The following CLVS1 variants were observed in gnomAD, a reference collection of about 807,000 sequenced individuals.
CLVS1 encodes the protein clavesin-1.
Under a neutral mutation model 33.1 loss-of-function variants are expected in CLVS1, and 10 were observed. That is an observed-to-expected ratio of 0.30 (90% CI 0.19 to 0.51). CLVS1 has a LOEUF of 0.51. CLVS1 is among the 20% of genes least tolerant of loss of function. CLVS1 has a pLI of 0.97. For synonymous variants in CLVS1, 163 were observed against 166.1 expected, an observed-to-expected ratio of 0.98 and a Z score of 0.14; for missense variants, 343 against 433.4, an observed-to-expected ratio of 0.79 and a Z score of 1.85.
At chr8:61,345,078 A>T (rs2129598486) in intron 2 of CLVS1, among the ~76,000 whole-genome samples, 1 of 152,254 alleles carries the variant, frequency 6.6e-6, no homozygotes, top group African/African-American at 2.4e-5. Context: ...AATTTTCTAA[A>T]CTATCTTTAT....
chr8:61,244,981 G>A (rs1808776494), intron 2 of CLVS1, among the ~76,000 whole-genome samples: 1 of 152,024 alleles, frequency 6.6e-6, no homozygotes, highest in African/African-American at 2.4e-5. Flanking sequence ...TTTAGGTTAT[G>A]TAATTACATG....
intron 1 of CLVS1, among the ~76,000 whole-genome samples, chr8:61,124,061 T>TA (rs1021769923): frequency 6.2e-4 from 95 of 152,058 alleles, no homozygotes; most frequent in Non-Finnish European, 5.9e-4. Flanking sequence ...TTATCTATCT[T>TA]AAAAAAAAGA....
chr8:61,252,301 T>C (rs1272689907), intron 2 of CLVS1, among the ~76,000 whole-genome samples: 1 of 152,204 alleles, frequency 6.6e-6, no homozygotes, highest in African/African-American at 2.4e-5. Context: ...ATGATTTCCA[T>C]TCTTTTGTAT....
intron 2 of CLVS1, among the ~76,000 whole-genome samples, chr8:61,217,115 C>G (rs778919037): frequency 6.6e-6 from 1 of 152,074 alleles, no homozygotes; most frequent in Non-Finnish European, 1.5e-5. Context: ...CTTTCTGAGA[C>G]TTTTTCATGA....
intron 1 of CLVS1, among the ~76,000 whole-genome samples, chr8:61,073,079 G>C (rs1308879842): frequency 6.6e-6 from 1 of 151,888 alleles, no homozygotes; most frequent in Non-Finnish European, 1.5e-5. Context: ...TATAGTGTTG[G>C]GTTTCAATTC....
At chr8:61,411,489 G>C (rs534809846) in intron 3 of CLVS1, among the ~76,000 whole-genome samples, 41 of 152,142 alleles carry the variant, frequency 2.7e-4, no homozygotes, top group Non-Finnish European at 5.7e-4. Context: ...GAGAGAGAAG[G>C]GGGATAAGAT....
At position 61,501,139 on chromosome 8, in the gene CLVS1, T is replaced by TAACA. The variant is rs553492483; in HGVS notation, c.*1598_*1601dup. 1.5e-4 allele frequency: 23 copies of TAACA among 152,232 alleles called. No homozygotes were observed. Among genetic ancestry groups the TAACA allele is most frequent in the African/African-American group, 5.3e-4 (22 of 41,558 alleles). The allele number at this position is 152,232 out of a possible 1,614,324, so 9.4% of individuals were successfully genotyped here. A position where few individuals can be genotyped will look rare whatever the true frequency, so the allele number is the denominator to read the frequency against. ...TAGACATACGAAATCACAAAAATAA[T>TAACA]AACACTGAAATAATTCTACCAATGC... On this transcript the variant is annotated 3_prime_UTR_variant, in exon 6 of 6. Transcript: ENST00000325897.
At chr8:61,420,090 A>G (rs1161558662) in intron 3 of CLVS1, among the ~76,000 whole-genome samples, 2 of 152,174 alleles carry the variant, frequency 1.3e-5, no homozygotes, top group Non-Finnish European at 2.9e-5. Flanking sequence ...CATACTCAAC[A>G]TAGGAATTCC....
At chr8:61,137,116 C>A (rs1806203889) in intron 2 of CLVS1, among the ~76,000 whole-genome samples, 4 of 152,204 alleles carry the variant, frequency 2.6e-5, no homozygotes, top group Admixed American at 2.6e-4. Context: ...GGGCTAAGAG[C>A]TATGCAGCGT....
At chr8:61,103,970 G>C (rs1394062482) in intron 1 of CLVS1, among the ~76,000 whole-genome samples, 1 of 152,106 alleles carries the variant, frequency 6.6e-6, no homozygotes, top group African/African-American at 2.4e-5. Context: ...TTGGCTTTTT[G>C]GTATTCAGGG....
intron 2 of CLVS1, among the ~76,000 whole-genome samples, chr8:61,167,716 G>A (rs899666087): frequency 2.6e-5 from 4 of 152,094 alleles, no homozygotes; most frequent in Admixed American, 6.5e-5. Flanking sequence ...GCAAAAAGTC[G>A]CAGGTTATAA....
At chr8:61,216,816 A>G (rs998340631) in intron 2 of CLVS1, among the ~76,000 whole-genome samples, 1 of 152,174 alleles carries the variant, frequency 6.6e-6, no homozygotes, top group Non-Finnish European at 1.5e-5. Flanking sequence ...GTTTCTGACC[A>G]TGTGAAATTT....
intron 1 of CLVS1, among the ~76,000 whole-genome samples, chr8:61,097,387 G>A (rs1805372850): frequency 6.6e-6 from 1 of 151,914 alleles, no homozygotes; most frequent in Non-Finnish European, 1.5e-5. Flanking sequence ...GAGAAGTATG[G>A]TGAGTGAGCA....
intron 3 of CLVS1, among the ~76,000 whole-genome samples, chr8:61,392,828 G>A (rs1220412293): frequency 6.8e-6 from 1 of 146,190 alleles, no homozygotes; most frequent in Non-Finnish European, 1.5e-5. Flanking sequence ...GGGTGACAGA[G>A]CAAGACTCTG....
intron 1 of CLVS1, chr8:61,292,033 C>A (rs939873713): frequency 8.5e-6 from 2 of 234,428 alleles, no homozygotes; most frequent in African/African-American, 4.5e-5. Flanking sequence ...TGAGTCCTGA[C>A]ATGCTGTGTC....
chr8:61,148,107 T>G lies in CLVS1; in HGVS notation c.-152+16247T>G, dbSNP rs144765556. On this transcript the variant is annotated intron_variant, in intron 2 of 2. Coordinates refer to the CLVS1 transcript ENST00000522621. ...AATTCAGCATTGGTTCTTAAGGATG[T>G]CCTGTCACACTGACAACCTTTCTTT... Among the ~76,000 whole-genome samples the G allele has an allele frequency of 4.1e-3, 627 of 152,376 alleles. 3 individuals carry two copies. The highest frequency in any genetic ancestry group is 0.027 in the Middle Eastern group (8 of 294).
At chr8:60,996,582 C>T in the CLVS1 span, among the ~76,000 whole-genome samples, 6 of 152,196 alleles carry the variant, frequency 3.9e-5, no homozygotes, top group South Asian at 2.1e-4. Flanking sequence ...AGTTTCAGAA[C>T]GGTAGCTGAG....
At chr8:61,337,597 C>G (rs74887531) in intron 2 of CLVS1, among the ~76,000 whole-genome samples, 1 of 152,134 alleles carries the variant, frequency 6.6e-6, no homozygotes, top group Admixed American at 6.5e-5. Context: ...CCTTCCAGAT[C>G]GGCCCCACCA....
chr8:61,279,751 G>T (rs780401651), intron 2 of CLVS1, among the ~76,000 whole-genome samples: 7 of 152,144 alleles, frequency 4.6e-5, no homozygotes, highest in Admixed American at 6.5e-5. Flanking sequence ...AATTATTTAT[G>T]AATACAACTA....
Sources: gnomAD v4.1 joint callset for allele counts (sites outside exome capture counted in the v4.1 genomes callset) on GRCh38, gnomAD v4.1.1 for gene constraint, MANE v1.5 for transcripts, NCBI Gene and HGNC (gene_info 2026-07-23, HGNC 2026-07-21) for gene names.